Variants in TAS1R2 observed in about 807,000 individuals in gnomAD.
TAS1R2 encodes the protein taste receptor type 1 member 2.
In TAS1R2, 47 loss-of-function variants were observed where a neutral mutation model predicts 49.3. That is an observed-to-expected ratio of 0.95 (90% confidence interval 0.75 to 1.22). The LOEUF (loss-of-function observed/expected upper bound fraction) is 1.22. Ranked by LOEUF, TAS1R2 falls within the 50% of genes most tolerant of loss-of-function variation. TAS1R2 has a pLI of 0.00. For missense variants in TAS1R2, 1,155 were observed against 1,122.1 expected, an observed-to-expected ratio of 1.03 and a Z score of -0.42; for synonymous variants, 479 against 467.9, an observed-to-expected ratio of 1.02 and a Z score of -0.31.
intron 4 of TAS1R2, among the ~76,000 whole-genome samples, chr1:18,842,935 T>G (rs2100507888): frequency 6.6e-6 from 1 of 152,324 alleles, no homozygotes; most frequent in East Asian, 1.9e-4. Context: ...TTGGTAAATG[T>G]TATGTTATAT....
At chr1:18,851,931 G>A (rs1934035271) in intron 3 of TAS1R2, among the ~76,000 whole-genome samples, 1 of 152,232 alleles carries the variant, frequency 6.6e-6, no homozygotes, top group Non-Finnish European at 1.5e-5. Flanking sequence ...CAGCAACCGT[G>A]TAGTAACAGT....
intron 2 of TAS1R2, among the ~76,000 whole-genome samples, chr1:18,857,112 C>T (rs1169825983): frequency 6.6e-6 from 1 of 152,194 alleles, no homozygotes; most frequent in African/African-American, 2.4e-5. Flanking sequence ...GGCCAAGGCT[C>T]GGTGCCAAGT....
At chr1:18,856,031 C>A (rs1934132525) in intron 2 of TAS1R2, among the ~76,000 whole-genome samples, 1 of 152,216 alleles carries the variant, frequency 6.6e-6, no homozygotes, top group Admixed American at 6.5e-5. Context: ...CCCAGTGACC[C>A]TGCTCACACA....
chr1:18,857,588 G>A lies in TAS1R2; in HGVS notation c.226C>T (p.Arg76Cys), dbSNP rs199501438. 8.7e-5 allele frequency: 140 copies of A among 1,614,024 alleles called. No homozygotes were observed. The highest frequency in any genetic ancestry group is 4.5e-4 in the Admixed American group (27 of 60,026). The change falls in exon 2 of 6, where the codon CGC becomes TGC. Residue 76 changes from arginine to cysteine, a missense_variant. Arg to Cys is a radical substitution (Grantham distance 180, BLOSUM62 -3). Coordinates refer to ENST00000375371, the Ensembl canonical transcript of TAS1R2. Reference sequence around the variant, plus strand: ...TTGTTGATCTCCTCCACCGCAAAGCGCATGGCCTGCATGAGGTTGTAGCCT... The same window carrying A: ...TTGTTGATCTCCTCCACCGCAAAGCACATGGCCTGCATGAGGTTGTAGCCT...
intron 4 of TAS1R2, among the ~76,000 whole-genome samples, chr1:18,842,444 T>A (rs1322156725): frequency 6.6e-6 from 1 of 152,222 alleles, no homozygotes; most frequent in Non-Finnish European, 1.5e-5. Context: ...CTGACACCAT[T>A]GCTATTTATT....
rs544039446 is a variant in TAS1R2 at position 18,853,144 on chromosome 1, G to A, written c.1257+1069C>T. 4.0e-4 allele frequency among the ~76,000 whole-genome samples: 61 copies of A among 152,308 alleles called. 1 individual carries two copies. The South Asian group carries it at 5.8e-3, about 15-fold the overall frequency. On this transcript the variant is annotated intron_variant, in intron 3 of 5. Transcript: ENST00000375371. ...CATGGTCCACCACTTACCACTGAGC[G>A]ATCACGGGCTAGTCACATTGACTTC...
chr1:18,840,445 G>A (rs1933802090), exon 6 of TAS1R2: 2 of 1,614,088 alleles, frequency 1.2e-6, no homozygotes, highest in African/African-American at 2.7e-5. Flanking sequence ...GCCATTCCAG[G>A]AAGACCAGCT....
intron 4 of TAS1R2, among the ~76,000 whole-genome samples, chr1:18,844,675 T>C (rs1933884252): frequency 6.6e-6 from 1 of 151,982 alleles, no homozygotes; most frequent in African/African-American, 2.4e-5. Flanking sequence ...AATCTCTTGA[T>C]CCCTGGGGGC....
intron 2 of TAS1R2, 95 bp from the exon 3 acceptor site, chr1:18,855,081 C>CTAGT: frequency 6.8e-7 from 1 of 1,479,120 alleles, no homozygotes; most frequent in Non-Finnish European, 9.1e-7. Context: ...TGGGAAGCAC[C>CTAGT]TAGTGCAAGC....
intron 4 of TAS1R2, among the ~76,000 whole-genome samples, chr1:18,844,761 AGAAGAAG>A (rs149291754): frequency 0.26 from 7,170 of 28,066 alleles, 467 homozygotes; most frequent in African/African-American, 0.34. Context: ...CAGAAAAAAA[AGAAGAAG>A]AAGAAGAAGA....
chr1:18,840,287 A>C, exon 6 of TAS1R2: 1 of 1,614,124 alleles, frequency 6.2e-7, no homozygotes. Flanking sequence ...TGCCACCAGC[A>C]GCAGTGTCAG....
intron 1 of TAS1R2, among the ~76,000 whole-genome samples, chr1:18,858,778 T>G (rs1286049980): frequency 6.6e-6 from 1 of 152,220 alleles, no homozygotes; most frequent in Non-Finnish European, 1.5e-5. Flanking sequence ...TTCACCATTC[T>G]CAAGCCAGCA....
In TAS1R2 at chr1:18,854,757, T is replaced by C. The variant is rs1413784942; in HGVS notation, c.713A>G (p.Glu238Gly). ...GTTGGGCTGCAGTGTGGGCAGCGTCTCCTGGAAGGCGATGCAGATGTCGCG... is the reference window on the plus strand; with the variant it reads ...GTTGGGCTGCAGTGTGGGCAGCGTCCCCTGGAAGGCGATGCAGATGTCGCG... The change falls in exon 3 of 6, where the codon GAG (glutamate) becomes GGG (glycine). Residue 238 changes from glutamate to glycine, a missense_variant. Transcript: ENST00000375371. This position sits in a 1 kb window ranked among gnomAD's most constrained non-coding sequence, Gnocchi z 4.9. 1 of 1,610,602 alleles carries C rather than the reference T, an allele frequency of 6.2e-7. No homozygotes were observed. The highest frequency in any genetic ancestry group is 8.5e-7 in the Non-Finnish European group (1 of 1,179,608).
At chr1:18,844,608 G>A (rs924260761) in intron 4 of TAS1R2, among the ~76,000 whole-genome samples, 4 of 152,184 alleles carry the variant, frequency 2.6e-5, no homozygotes, top group Non-Finnish European at 5.9e-5. Flanking sequence ...ACAAAAATTA[G>A]TCAGGTGTGA....
intron 4 of TAS1R2, among the ~76,000 whole-genome samples, chr1:18,847,249 G>A (rs7411237): frequency 0.045 from 6,916 of 152,226 alleles, 510 homozygotes; most frequent in African/African-American, 0.15. Context: ...CCAGGAGCTT[G>A]GGGAGAAGCC....
intron 1 of TAS1R2, among the ~76,000 whole-genome samples, chr1:18,858,723 A>G (rs1476324503): frequency 6.6e-6 from 1 of 152,200 alleles, no homozygotes; most frequent in Non-Finnish European, 1.5e-5. Context: ...CCCCACCATG[A>G]TCACAAGCAT....
At chr1:18,843,597 C>T (rs1176949775) in intron 4 of TAS1R2, among the ~76,000 whole-genome samples, 1 of 152,204 alleles carries the variant, frequency 6.6e-6, no homozygotes, top group Non-Finnish European at 1.5e-5. Flanking sequence ...GAAGAAGGCC[C>T]TGGCTTCTGT....
exon 1 of TAS1R2, chr1:18,859,558 G>A: frequency 6.2e-7 from 1 of 1,614,182 alleles, no homozygotes; most frequent in East Asian, 2.2e-5. Flanking sequence ...AGGCCACCCA[G>A]GAGGTAATCC....
exon 2 of TAS1R2, chr1:18,857,375 C>T: frequency 6.2e-7 from 1 of 1,614,206 alleles, no homozygotes; most frequent in Non-Finnish European, 8.5e-7. Flanking sequence ...ACAGTCATGA[C>T]AGACTCGGAG....
Sources: gnomAD v4.1 joint callset for allele counts (sites outside exome capture counted in the v4.1 genomes callset) on GRCh38, gnomAD v4.1.1 for gene constraint, Gnocchi (gnomAD v3.1) non-coding constraint, MANE v1.5 for transcripts, NCBI Gene and HGNC (gene_info 2026-07-23, HGNC 2026-07-21) for gene names.